The following LHPP variants were observed in gnomAD, a reference collection of about 807,000 sequenced individuals.
LHPP encodes the protein phospholysine phosphohistidine inorganic pyrophosphate phosphatase.
A neutral mutation model predicts 30.3 loss-of-function variants in LHPP; 24 were observed. The ratio of observed to expected loss-of-function variants is 0.79; its 90% CI spans 0.57 to 1.11. The LOEUF is 1.11. LHPP is among the 50% of genes most tolerant of loss of function. The probability of loss-of-function intolerance (pLI) is 0.00; values close to 1 mark genes in which losing one functional copy is unlikely to be tolerated. For synonymous variants in LHPP, 150 were observed against 157.1 expected (o/e 0.95, Z 0.34); for missense variants, 356 against 367.2 (o/e 0.97, Z 0.25).
At chr10:124,560,300 G>A (rs1319890241) in intron 6 of LHPP, among the ~76,000 whole-genome samples, 2 of 152,226 alleles carry the variant, frequency 1.3e-5, no homozygotes, top group Non-Finnish European at 2.9e-5. Context: ...GGCAACATCA[G>A]TTAACATGTG....
At chr10:124,524,747 T>G (rs1339858204) in intron 6 of LHPP, among the ~76,000 whole-genome samples, 2 of 152,108 alleles carry the variant, frequency 1.3e-5, no homozygotes, top group Non-Finnish European at 2.9e-5. Flanking sequence ...CAGGAGGATC[T>G]CTTAAACCCA....
intron 6 of LHPP, among the ~76,000 whole-genome samples, chr10:124,522,375 A>C (rs906082839): frequency 6.6e-6 from 1 of 152,128 alleles, no homozygotes; most frequent in African/African-American, 2.4e-5. Flanking sequence ...CCTGCTGCCC[A>C]GGCCCTGGAC....
intron 6 of LHPP, among the ~76,000 whole-genome samples, chr10:124,533,157 C>T (rs1162360968): frequency 6.6e-6 from 1 of 152,168 alleles, no homozygotes; most frequent in African/African-American, 2.4e-5. Flanking sequence ...GTCAGCCTGG[C>T]CTCTGCAGGC....
At chr10:124,572,567 G>T (rs182574087) in intron 6 of LHPP, among the ~76,000 whole-genome samples, 2,315 of 151,808 alleles carry the variant, frequency 0.015, 26 homozygotes, top group South Asian at 0.031. Context: ...GGAGGTGGAG[G>T]TTGCAGTAAA....
At chr10:124,528,755 C>G (rs1954808401) in intron 6 of LHPP, among the ~76,000 whole-genome samples, 2 of 151,372 alleles carry the variant, frequency 1.3e-5, no homozygotes, top group African/African-American at 2.4e-5. Flanking sequence ...TAGATATTTA[C>G]CAAGCACCTA....
intron 6 of LHPP, among the ~76,000 whole-genome samples, chr10:124,585,102 T>C (rs1266764235): frequency 6.6e-6 from 1 of 152,192 alleles, no homozygotes; most frequent in Non-Finnish European, 1.5e-5. Context: ...AGAGAGAAAT[T>C]TGAAACACTT....
chr10:124,556,750 T>TTTGA (rs1191180943), intron 6 of LHPP, among the ~76,000 whole-genome samples: 1 of 152,234 alleles, frequency 6.6e-6, no homozygotes, highest in Non-Finnish European at 1.5e-5. Context: ...TGGGATCTTC[T>TTTGA]TTGATTGATA....
chr10:124,542,518 G>A (rs781622162), intron 6 of LHPP, among the ~76,000 whole-genome samples: 9 of 152,156 alleles, frequency 5.9e-5, no homozygotes, highest in Admixed American at 3.9e-4. Context: ...GAATGGAGCC[G>A]CCTCCTGCAT....
intron 6 of LHPP, among the ~76,000 whole-genome samples, chr10:124,585,660 T>A (rs1389054871): frequency 1.3e-5 from 2 of 151,396 alleles, no homozygotes; most frequent in African/African-American, 4.8e-5. Flanking sequence ...TAAGGAGCCT[T>A]GCTGTGTTGC....
At chr10:124,609,151 ACT>A (rs1949133303) in intron 6 of LHPP, among the ~76,000 whole-genome samples, 3 of 151,676 alleles carry the variant, frequency 2.0e-5, no homozygotes, top group African/African-American at 4.8e-5. Flanking sequence ...CTTGCATATT[ACT>A]CTCTTCTTTT....
intron 6 of LHPP, among the ~76,000 whole-genome samples, chr10:124,578,607 G>A (rs760759865): frequency 9.8e-5 from 15 of 152,364 alleles, no homozygotes; most frequent in South Asian, 6.2e-4. Flanking sequence ...CAGTGTGGGA[G>A]GGAGAGGGTT....
chr10:124,502,013 A>G (rs571851574), intron 5 of LHPP, among the ~76,000 whole-genome samples: 1 of 152,102 alleles, frequency 6.6e-6, no homozygotes, highest in Non-Finnish European at 1.5e-5. Flanking sequence ...ACTGTGCTTT[A>G]ATAATTATCA....
At chr10:124,571,500 G>A (rs1948583701) in intron 6 of LHPP, among the ~76,000 whole-genome samples, 1 of 152,226 alleles carries the variant, frequency 6.6e-6, no homozygotes, top group South Asian at 2.1e-4. Context: ...GGGCTTGGCT[G>A]AATGGCCCTG....
intron 6 of LHPP, among the ~76,000 whole-genome samples, chr10:124,598,676 C>A (rs1948984055): frequency 1.3e-5 from 2 of 152,146 alleles, no homozygotes; most frequent in South Asian, 4.2e-4. Context: ...TCCACCTGTC[C>A]ACCCTGATGC....
chr10:124,587,738 TAAAAAAA>T (rs747954796), intron 6 of LHPP, among the ~76,000 whole-genome samples: 11,453 of 52,808 alleles, frequency 0.22, 656 homozygotes, highest in Admixed American at 0.29. Context: ...AGACTCCATC[TAAAAAAA>T]AAAAAAAAAA....
Position 124,510,021 on chromosome 10 carries a change from G to A in LHPP, c.625-7159G>A, listed in dbSNP as rs373817264. ...GGGAGGATTGACTGCTGTAGCACCC[G>A]ACCCAGGACACCTGCCTCTGGGACT... On this transcript the variant is annotated intron_variant, in intron 5 of 6. Transcript: ENST00000368842. The surrounding 1 kb of genome is among the most constrained non-coding windows in gnomAD (Gnocchi z 4.0). Among the ~76,000 whole-genome samples the A allele has an allele frequency of 3.9e-5, 6 of 152,198 alleles. No homozygotes were observed. The East Asian group carries it at 9.7e-4, about 25-fold the overall frequency.
chr10:124,502,620 C>T (rs112376934), intron 5 of LHPP, among the ~76,000 whole-genome samples: 3,661 of 147,534 alleles, frequency 0.025, 183 homozygotes, highest in African/African-American at 0.087. Context: ...CTGCCCGCTT[C>T]GGCTCCCAAA....
chr10:124,476,115 A>G (rs953755282), intron 1 of LHPP, among the ~76,000 whole-genome samples: 1 of 151,950 alleles, frequency 6.6e-6, no homozygotes, highest in African/African-American at 2.4e-5. Flanking sequence ...TGCGTGTTTT[A>G]TAAGTGCCCT....
intron 6 of LHPP, among the ~76,000 whole-genome samples, chr10:124,610,492 T>A (rs1949164744): frequency 1.8e-5 from 2 of 111,912 alleles, no homozygotes; most frequent in Non-Finnish European, 3.5e-5. Flanking sequence ...CGGGTGAGGG[T>A]GAGGGTGTTG....
Sources: gnomAD v4.1 joint callset for allele counts (sites outside exome capture counted in the v4.1 genomes callset) on GRCh38, gnomAD v4.1.1 for gene constraint, Gnocchi (gnomAD v3.1) non-coding constraint, MANE v1.5 for transcripts, NCBI Gene and HGNC (gene_info 2026-07-23, HGNC 2026-07-21) for gene names.